Variants in MCF2L observed in about 807,000 individuals in gnomAD.
MCF2L encodes the protein MCF.2 cell line derived transforming sequence like.
A neutral mutation model predicts 153.4 loss-of-function variants in MCF2L; 97 were observed. The observed-to-expected ratio is 0.63, with a 90% confidence interval of 0.54 to 0.75. The LOEUF is 0.75. MCF2L is among the 30% of genes least tolerant of loss of function. MCF2L has a pLI of 0.00. For missense variants in MCF2L, 1,347 were observed against 1,495.2 expected, an observed-to-expected ratio of 0.90 and a Z score of 1.64; for synonymous variants, 659 against 632.2, an observed-to-expected ratio of 1.04 and a Z score of -0.64.
intron 2 of MCF2L, among the ~76,000 whole-genome samples, chr13:112,947,565 C>T (rs534551435): frequency 1.2e-4 from 18 of 152,304 alleles, no homozygotes; most frequent in African/African-American, 3.1e-4. Context: ...GAGGGAGTAA[C>T]GGGCCCCAAG....
At chr13:112,971,962 CA>C (rs1163433050) in intron 1 of MCF2L, among the ~76,000 whole-genome samples, 2 of 152,278 alleles carry the variant, frequency 1.3e-5, no homozygotes, top group Admixed American at 6.5e-5. Flanking sequence ...ACAGCATGTA[CA>C]TGCGTCACCT....
intron 2 of MCF2L, among the ~76,000 whole-genome samples, chr13:112,924,227 C>T (rs911267802): frequency 2.0e-5 from 3 of 152,216 alleles, no homozygotes; most frequent in Non-Finnish European, 2.9e-5. Flanking sequence ...CACAACCCCC[C>T]CACGATGTGT....
chr13:113,030,471 C>T (rs1199418751), intron 3 of MCF2L, among the ~76,000 whole-genome samples: 1 of 146,162 alleles, frequency 6.8e-6, no homozygotes, highest in Non-Finnish European at 1.5e-5. Context: ...CAGGTGTGGG[C>T]CCTCGGGTGT....
rs372171847 is a variant in MCF2L at position 113,064,924 on chromosome 13, T to C, written c.607-12T>C. 5.0e-5 allele frequency: 81 copies of C among 1,608,920 alleles called. No homozygotes were observed. In the African/African-American group the frequency reaches 9.5e-4, roughly 19 times the overall value. ...GCACAAGGCATGCAATTGTGTTTTC[T>C]CTGTCCCCAAGGCCATCGAAAGTTT... On this transcript the variant is annotated splice_polypyrimidine_tract_variant and intron_variant, in intron 6 of 29. Transcript: ENST00000535094. This position sits in a 1 kb window ranked among gnomAD's most constrained non-coding sequence, Gnocchi z 6.0.
chr13:112,997,935 T>C (rs1215731763), intron 1 of MCF2L, among the ~76,000 whole-genome samples: 1 of 152,232 alleles, frequency 6.6e-6, no homozygotes, highest in Non-Finnish European at 1.5e-5. Flanking sequence ...AGGAGTGGGC[T>C]CTTGGCTGAG....
chr13:113,091,061 C>T, intron 26 of MCF2L: 1 of 1,296,646 alleles, frequency 7.7e-7, no homozygotes, highest in Non-Finnish European at 1.0e-6. Flanking sequence ...TCCTCGCCGC[C>T]TCCCTCCGTC....
chr13:112,895,292 A>G (rs1450556872), intron 1 of MCF2L, among the ~76,000 whole-genome samples: 2 of 152,022 alleles, frequency 1.3e-5, no homozygotes, highest in African/African-American at 2.4e-5. Context: ...CAGAGCCGGG[A>G]CCCCGAAGGG....
intron 23 of MCF2L, among the ~76,000 whole-genome samples, chr13:113,088,109 C>T (rs1158057718): frequency 6.6e-6 from 1 of 152,196 alleles, no homozygotes; most frequent in Non-Finnish European, 1.5e-5. Context: ...GTGCCGTGCC[C>T]TGGGTGCCAG....
At position 112,904,154 on chromosome 13, in the gene MCF2L, G is replaced by A. The variant is rs2081147954; in HGVS notation, c.169+1783G>A. The stretch of plus-strand genomic sequence containing the variant: ...GTTAGGGTTAGGGTTAGAGGTTAAG[G>A]TTAGGGTTAGGGGTTGGGACTGGGG... On this transcript the variant is annotated intron_variant, in intron 2 of 29. Coordinates refer to the MCF2L transcript ENST00000375608. This position sits in a 1 kb window ranked among gnomAD's most constrained non-coding sequence, Gnocchi z 4.2. Among the ~76,000 whole-genome samples, 1 of 150,038 alleles carries A rather than the reference G, an allele frequency of 6.7e-6. No homozygotes were observed. The highest frequency in any genetic ancestry group is 6.6e-5 in the Admixed American group (1 of 15,110).
intron 1 of MCF2L, among the ~76,000 whole-genome samples, chr13:113,011,804 A>G (rs1427173975): frequency 1.8e-5 from 2 of 111,756 alleles, no homozygotes; most frequent in Non-Finnish European, 3.7e-5. Context: ...CGGACGGTGG[A>G]CAGGCGGTGT....
chr13:112,994,913 G>A (rs180910037), intron 1 of MCF2L, among the ~76,000 whole-genome samples: 34 of 152,338 alleles, frequency 2.2e-4, no homozygotes, highest in South Asian at 4.1e-4. Flanking sequence ...TGTGTGGCTC[G>A]GTTTTATCGC....
rs775143779 is a variant in MCF2L, at chr13:113,087,782, G to C, written c.2671G>C (p.Glu891Gln). ...KFEIWYNARE[E>Q]VYIVQAPTPE... is the part of the protein sequence containing the mutation. ...CGAGATCTGGTACAACGCGCGCGAG[G>C]AGGTCTACATCGTCCAGGTGGGCCA... The change falls in exon 23 of 30, where the codon GAG becomes CAG. Residue 891 changes from glutamate to glutamine, a missense_variant. Glu to Gln is a conservative substitution (Grantham distance 29). Coordinates refer to ENST00000535094, the MANE Select transcript of MCF2L (RefSeq NM_001112732.3). 2.2e-5 allele frequency: 35 copies of C among 1,613,988 alleles called. No individual in the cohort carries two copies. Among genetic ancestry groups the C allele is most frequent in the Non-Finnish European group, 3.0e-5 (35 of 1,180,030 alleles).
intron 1 of MCF2L, chr13:112,985,473 GC>G (rs1163003542): frequency 2.1e-6 from 1 of 470,926 alleles, no homozygotes; most frequent in Non-Finnish European, 4.4e-6. Context: ...GCTGTCCGTG[GC>G]TGAGGGTGAG....
At chr13:112,995,457 C>G (rs1385840927) in intron 1 of MCF2L, among the ~76,000 whole-genome samples, 1 of 152,218 alleles carries the variant, frequency 6.6e-6, no homozygotes, top group African/African-American at 2.4e-5. Flanking sequence ...ACTGCAACTG[C>G]TGTCCTTGCC....
chr13:112,969,172 C>A, upstream of MCF2L: 1 of 607,120 alleles, frequency 1.6e-6, no homozygotes, highest in Non-Finnish European at 2.2e-6. This position sits in a 1 kb window ranked among gnomAD's most constrained non-coding sequence, Gnocchi z 4.8. Flanking sequence ...CCGAGCCGCC[C>A]CCCGCCCCCC....
At chr13:113,092,039 G>A (rs182961380) in intron 26 of MCF2L, among the ~76,000 whole-genome samples, 181 of 152,356 alleles carry the variant, frequency 1.2e-3, no homozygotes, top group Non-Finnish European at 1.9e-3. Flanking sequence ...GCAAGTGGGT[G>A]GGCGCCCGGC....
intron 26 of MCF2L, chr13:113,090,559 C>T (rs773377194): frequency 8.5e-5 from 84 of 985,286 alleles, no homozygotes; most frequent in East Asian, 4.5e-4. Flanking sequence ...CTGGGGCATC[C>T]ACTAGTGAAC....
intron 27 of MCF2L, 96 bp downstream of exon 27, chr13:113,094,731 C>T: frequency 6.9e-7 from 1 of 1,439,400 alleles, no homozygotes; most frequent in South Asian, 1.4e-5. Context: ...GGTCTTAGGA[C>T]ACAGCCCCAG....
rs2033574558 is a variant in MCF2L at position 113,077,091 on chromosome 13, G to A, written c.1540G>A (p.Glu514Lys). ...RKVFQKQASMEEVFHRRQASL... is the reference protein window; with the variant it reads ...RKVFQKQASMKEVFHRRQASL... The stretch of plus-strand genomic sequence containing the variant: ...GGTCTTCCAGAAGCAGGCAAGCATG[G>A]AGGAGGTGTTCCACCGCAGGCAGGC... Residue 514 changes from glutamate to lysine, a missense_variant, in exon 13 of 30, where the codon GAG (glutamate) becomes AAG (lysine). Physicochemically the swap from Glu to Lys is moderately conservative, Grantham distance 56. Transcript: ENST00000535094. 2 of 1,612,866 alleles carry A rather than the reference G, an allele frequency of 1.2e-6. No individual in the cohort carries two copies. Among genetic ancestry groups the A allele is most frequent in the Admixed American group, 1.7e-5 (1 of 59,988 alleles).
Sources: allele counts gnomAD v4.1 joint callset (sites outside exome capture counted in the v4.1 genomes callset), GRCh38; gene constraint gnomAD v4.1.1; non-coding constraint Gnocchi (gnomAD v3.1); transcripts MANE v1.5; gene names NCBI Gene and HGNC (gene_info 2026-07-23, HGNC 2026-07-21).